Variants in ARMCX4 observed in about 807,000 individuals in gnomAD.
ARMCX4 encodes the protein armadillo repeat containing X-linked 4, also known as armadillo repeat-containing X-linked protein 4.
ARMCX4 carries 3 observed loss-of-function variants against 34.7 expected under a neutral mutation model. That is an observed-to-expected ratio of 0.09 (90% confidence interval 0.04 to 0.22). The LOEUF (loss-of-function observed/expected upper bound fraction) is 0.22, where lower values mean the gene tolerates loss of function less well. Among genes scored for constraint, ARMCX4 ranks in the 10% least tolerant of loss-of-function variants. The pLI is 1.00. For synonymous variants in ARMCX4, 513 were observed against 632.8 expected (o/e 0.81, Z 2.84); for missense variants, 1,448 against 1,720.8 (o/e 0.84, Z 2.81).
chrX:101,447,272 A>G (rs781787727), downstream of ARMCX4, among the ~76,000 whole-genome samples: 3 of 112,637 alleles, frequency 2.7e-5, no homozygotes, highest in Non-Finnish European at 3.7e-5. Context: ...GGAAATTAGC[A>G]TACACTTTTA....
chrX:101,432,779 T>C (rs1227719332), intron 2 of ARMCX4, among the ~76,000 whole-genome samples: 5 of 64,330 alleles, frequency 7.8e-5, no homozygotes, highest in Middle Eastern at 8.3e-3. Context: ...TGTATACATA[T>C]ATGTATATAC....
chrX:101,470,247 C>T (rs186266570), intron 4 of ARMCX4, among the ~76,000 whole-genome samples: 130 of 112,152 alleles, frequency 1.2e-3, no homozygotes, highest in Non-Finnish European at 2.0e-3. Flanking sequence ...TTACGTTTCA[C>T]GTAATGGAAT....
At chrX:101,440,978 G>T (rs141531231) in intron 2 of ARMCX4, among the ~76,000 whole-genome samples, 6,904 of 110,609 alleles carry the variant, frequency 0.062, 220 homozygotes, top group African/African-American at 0.13. Context: ...TGCACCCACT[G>T]TCCTGCACCC....
intron 4 of ARMCX4, among the ~76,000 whole-genome samples, chrX:101,457,243 A>G (rs902956359): frequency 8.9e-6 from 1 of 111,745 alleles, no homozygotes; most frequent in African/African-American, 3.3e-5. Flanking sequence ...GTTCTGATTC[A>G]GGTTTGATTT....
intron 11 of ARMCX4, among the ~76,000 whole-genome samples, chrX:101,515,649 G>C (rs782339027): frequency 9.5e-6 from 1 of 105,045 alleles, no homozygotes; most frequent in Non-Finnish European, 1.9e-5. Context: ...AGAGATTCTC[G>C]TGCCTCAGCT....
chrX:101,478,337 C>A (rs1319359437), intron 4 of ARMCX4, among the ~76,000 whole-genome samples: 25 of 111,957 alleles, frequency 2.2e-4, no homozygotes, highest in Non-Finnish European at 1.5e-4. Context: ...CTTTGCTTTG[C>A]ACCAGCAATA....
downstream of ARMCX4, among the ~76,000 whole-genome samples, chrX:101,535,951 G>T (rs1249390938): frequency 9.0e-6 from 1 of 111,400 alleles, no homozygotes; most frequent in Non-Finnish European, 1.9e-5. Flanking sequence ...TGTGTTACAT[G>T]TGTTATCCAG....
intron 11 of ARMCX4, among the ~76,000 whole-genome samples, chrX:101,529,423 T>G (rs1222933407): frequency 8.9e-6 from 1 of 111,757 alleles, no homozygotes; most frequent in Non-Finnish European, 1.9e-5. Context: ...GTAGGCATAG[T>G]CAAGGACTTC....
chrX:101,491,444 T>C lies in ARMCX4; in HGVS notation c.2855T>C (p.Val952Ala). 1 of 1,153,983 alleles carries C rather than the reference T, an allele frequency of 8.7e-7. No individual in the cohort carries two copies. The highest frequency in any genetic ancestry group is 1.1e-6 in the Non-Finnish European group (1 of 872,340). The change falls in exon 6 of 6, where the codon GTT becomes GCT. Residue 952 changes from valine (V) to alanine (A), a missense_variant. By Grantham distance (64) the Val-to-Ala change is moderately conservative. Transcript: ENST00000423738. Reference protein sequence around the residue: ...AGIMGSVQVQVVASFQGEVLP... With the variant: ...AGIMGSVQVQAVASFQGEVLP... ...ATAATGGGCTCTGTCCAGGTCCAGG[T>C]TGTGGCCAGTTTTCAGGGTGAGGTC... is the stretch of plus-strand genomic sequence containing the variant.
At chrX:101,483,450 CAA>C (rs1476939916), upstream of ARMCX4, among the ~76,000 whole-genome samples, 11 of 111,703 alleles carry the variant, frequency 9.8e-5, no homozygotes, top group Admixed American at 1.0e-3. Flanking sequence ...ACAATATTAT[CAA>C]GTTTCTAAAC....
chrX:101,526,272 C>T (rs1165614137), intron 11 of ARMCX4, among the ~76,000 whole-genome samples: 2 of 111,676 alleles, frequency 1.8e-5, no homozygotes, highest in Non-Finnish European at 3.8e-5. Context: ...CCTTTACAGA[C>T]AAGCAAATGC....
At chrX:101,510,708 G>A (rs902317549) in intron 10 of ARMCX4, among the ~76,000 whole-genome samples, 5 of 111,693 alleles carry the variant, frequency 4.5e-5, no homozygotes, top group African/African-American at 6.5e-5. Flanking sequence ...CTAAAATTGT[G>A]TTACTGTTGT....
chrX:101,456,565 T>A (rs1932296231), intron 4 of ARMCX4, among the ~76,000 whole-genome samples: 1 of 111,433 alleles, frequency 9.0e-6, no homozygotes, highest in Non-Finnish European at 1.9e-5. Context: ...TTCTTTTTAT[T>A]GTGGGCTTTT....
At chrX:101,477,324 C>G (rs1933232999) in intron 4 of ARMCX4, among the ~76,000 whole-genome samples, 1 of 103,270 alleles carries the variant, frequency 9.7e-6, no homozygotes, top group Admixed American at 1.1e-4. Flanking sequence ...CCTGTAGTCC[C>G]AGCTACTCAG....
downstream of ARMCX4, chrX:101,498,231 C>T (rs1179271405): frequency 3.1e-6 from 1 of 325,916 alleles, no homozygotes; most frequent in East Asian, 9.8e-5. Flanking sequence ...CAACCTGCAA[C>T]AGTTGGTACA....
downstream of ARMCX4, among the ~76,000 whole-genome samples, chrX:101,449,870 G>A (rs1347083064): frequency 9.0e-6 from 1 of 111,168 alleles, no homozygotes; most frequent in Non-Finnish European, 1.9e-5. Context: ...AGGCTTTCCA[G>A]GTATTCAAAG....
chrX:101,453,051 C>A (rs1301938577), intron 4 of ARMCX4, among the ~76,000 whole-genome samples: 1 of 109,995 alleles, frequency 9.1e-6, no homozygotes, highest in East Asian at 2.8e-4. Context: ...ACAGTTAGAA[C>A]GGTTAGATAG....
intron 2 of ARMCX4, among the ~76,000 whole-genome samples, chrX:101,420,558 T>A (rs1374465245): frequency 1.6e-4 from 18 of 110,984 alleles, no homozygotes; most frequent in African/African-American, 5.6e-4. Flanking sequence ...GGAGGGTACA[T>A]GGTGCAATGA....
At chrX:101,478,199 A>G in intron 4 of ARMCX4, among the ~76,000 whole-genome samples, 1 of 112,366 alleles carries the variant, frequency 8.9e-6, no homozygotes, top group Admixed American at 9.5e-5. Flanking sequence ...AAAATATTAA[A>G]CTGTCATTTA....
Sources: gnomAD v4.1 joint callset for allele counts (sites outside exome capture counted in the v4.1 genomes callset) on GRCh38, gnomAD v4.1.1 for gene constraint, MANE v1.5 for transcripts, NCBI Gene and HGNC (gene_info 2026-07-23, HGNC 2026-07-21) for gene names.